The following RCSD1 variants were observed in gnomAD, a reference collection of about 807,000 sequenced individuals.
RCSD1 encodes capZ-interacting protein.
Under a neutral mutation model 42.5 loss-of-function variants are expected in RCSD1, and 26 were observed. That is an observed-to-expected ratio of 0.61 (90% CI 0.45 to 0.85). RCSD1 has a LOEUF of 0.85. RCSD1 is among the 40% of genes least tolerant of loss of function. The probability of loss-of-function intolerance (pLI) is 0.00; values close to 1 mark genes in which losing one functional copy is unlikely to be tolerated. For synonymous variants in RCSD1, 220 were observed against 212.2 expected, an observed-to-expected ratio of 1.04 and a Z score of -0.32; for missense variants, 571 against 528.3, an observed-to-expected ratio of 1.08 and a Z score of -0.79.
intron 1 of RCSD1, among the ~76,000 whole-genome samples, chr1:167,655,832 G>A (rs1256880472): frequency 6.6e-6 from 1 of 152,166 alleles, no homozygotes; most frequent in Admixed American, 6.5e-5. Flanking sequence ...AACCCGTGAG[G>A]ATGCCTTCGC....
chr1:167,687,296 G>A (rs1659257885), intron 3 of RCSD1, among the ~76,000 whole-genome samples: 1 of 152,122 alleles, frequency 6.6e-6, no homozygotes, highest in Admixed American at 6.5e-5. Context: ...AGGCCGAGGT[G>A]GGCGGATCAC....
chr1:167,690,202 T>C (rs1571100584), intron 4 of RCSD1, 82 bp downstream of exon 4: 3 of 1,320,232 alleles, frequency 2.3e-6, no homozygotes, highest in African/African-American at 2.9e-5. Context: ...TTGAGGCTCA[T>C]AGGGGTAGCC....
In RCSD1 at chr1:167,705,503, T is replaced by C. The variant is rs1005605164; in HGVS notation, c.*807T>C. On this transcript the variant is annotated 3_prime_UTR_variant, in exon 7 of 7. Coordinates refer to ENST00000367854, the MANE Select transcript of RCSD1 (RefSeq NM_052862.4). ...AGGAGGTTTCATGTCCCGCGTTGCATCTCCTCCTGAAAGAAAAGCAGTGAT... is the reference window on the plus strand; with the variant it reads ...AGGAGGTTTCATGTCCCGCGTTGCACCTCCTCCTGAAAGAAAAGCAGTGAT... 29 of 152,084 alleles carry C rather than the reference T, an allele frequency of 1.9e-4. No individual in the cohort carries two copies. Among genetic ancestry groups the C allele is most frequent in the African/African-American group, 6.5e-4 (27 of 41,406 alleles). The allele number at this position is 152,084 out of a possible 1,614,324, so 9.4% of individuals were successfully genotyped here.
At chr1:167,634,556 G>A (rs966118812) in intron 1 of RCSD1, among the ~76,000 whole-genome samples, 1 of 152,188 alleles carries the variant, frequency 6.6e-6, no homozygotes, top group African/African-American at 2.4e-5. Context: ...GTGTAAAGAA[G>A]GAGCTGGAGG....
At chr1:167,635,049 T>A (rs1266802302) in intron 1 of RCSD1, among the ~76,000 whole-genome samples, 1 of 152,182 alleles carries the variant, frequency 6.6e-6, no homozygotes, top group African/African-American at 2.4e-5. Context: ...AAACATTTTC[T>A]ACCACATTTT....
At chr1:167,695,571 C>T (rs1659479806) in intron 5 of RCSD1, among the ~76,000 whole-genome samples, 1 of 147,208 alleles carries the variant, frequency 6.8e-6, no homozygotes, top group Non-Finnish European at 1.5e-5. Context: ...CAAGGTCTTC[C>T]TCTGTCACCC....
chr1:167,638,656 T>C (rs1373159019), intron 1 of RCSD1, among the ~76,000 whole-genome samples: 2 of 152,200 alleles, frequency 1.3e-5, no homozygotes, highest in African/African-American at 4.8e-5. Flanking sequence ...TTGTAAGGCC[T>C]GGCACAGGTT....
chr1:167,701,252 G>GTTTGTTTCTTTCTTTC (rs1276194168), intron 6 of RCSD1, among the ~76,000 whole-genome samples: 2 of 96,070 alleles, frequency 2.1e-5, no homozygotes, highest in Admixed American at 2.3e-4. Context: ...CAATTGCCTA[G>GTTTGTTTCTTTCTTTC]TTTCTTTCTT....
intron 3 of RCSD1, among the ~76,000 whole-genome samples, chr1:167,686,626 G>A (rs1164748909): frequency 6.6e-6 from 1 of 152,192 alleles, no homozygotes; most frequent in South Asian, 2.1e-4. Context: ...GAACCCCAAG[G>A]AGCACAGTTT....
At chr1:167,656,631 G>A (rs1658431011) in intron 1 of RCSD1, among the ~76,000 whole-genome samples, 1 of 152,186 alleles carries the variant, frequency 6.6e-6, no homozygotes, top group Non-Finnish European at 1.5e-5. Flanking sequence ...CTAGAGCTGA[G>A]GAACAGCAGC....
Position 167,679,926 on chromosome 1 carries a change from A to G in RCSD1, c.7-3974A>G, listed in dbSNP as rs184999234. 3.3e-3 allele frequency among the ~76,000 whole-genome samples: 506 copies of G among 152,240 alleles called. 3 individuals carry two copies. Among genetic ancestry groups the G allele is most frequent in the Non-Finnish European group, 6.2e-3 (422 of 68,016 alleles). ...ACGCAACATGGCAACAGCGGAGGGG[A>G]AGTTCCATGCTGTCCAGACACAGGG... is the stretch of plus-strand genomic sequence containing the variant. On this transcript the variant is annotated intron_variant, in intron 1 of 6. Coordinates refer to ENST00000367854, the MANE Select transcript of RCSD1 (RefSeq NM_052862.4).
chr1:167,632,475 AG>A (rs1404232206), intron 1 of RCSD1, among the ~76,000 whole-genome samples: 2 of 152,194 alleles, frequency 1.3e-5, no homozygotes, highest in African/African-American at 4.8e-5. Flanking sequence ...TGTATGGCAG[AG>A]GCCCTGAAAC....
intron 1 of RCSD1, among the ~76,000 whole-genome samples, chr1:167,639,139 C>T (rs1657940817): frequency 6.6e-6 from 1 of 152,282 alleles, no homozygotes; most frequent in South Asian, 2.1e-4. Flanking sequence ...ATGGCGTGAA[C>T]CCGGGAAGCG....
chr1:167,697,639 C>A lies in RCSD1; in HGVS notation c.1015C>A (p.Leu339Met), dbSNP rs1294895854. ...PEHDSQETKKLEEGAAVKETP... is the reference protein window; with the variant it reads ...PEHDSQETKKMEEGAAVKETP... ...ACATGACAGCCAAGAAACAAAGAAG[C>A]TGGAGGAGGGAGCTGCAGTGAAGGA... Residue 339 changes from leucine (L) to methionine (M), a missense_variant, in exon 6 of 7, where the codon CTG becomes ATG. Leu to Met is a conservative substitution (Grantham distance 15). Transcript: ENST00000367854. 4.4e-6 allele frequency: 7 copies of A among 1,606,382 alleles called. No homozygotes were observed. Among genetic ancestry groups the A allele is most frequent in the East Asian group, 2.2e-5 (1 of 44,674 alleles).
intron 1 of RCSD1, among the ~76,000 whole-genome samples, chr1:167,681,663 T>A (rs904329083): frequency 4.6e-5 from 7 of 152,216 alleles, no homozygotes; most frequent in Non-Finnish European, 7.3e-5. Flanking sequence ...CACCAGTGAT[T>A]GGCGCCTTTG....
intron 1 of RCSD1, chr1:167,641,820 T>A (rs965230932): frequency 6.6e-6 from 1 of 152,188 alleles, no homozygotes; most frequent in Non-Finnish European, 1.5e-5. Context: ...ACAGTGTGAT[T>A]GGTTCTGAAA....
In RCSD1 at chr1:167,705,437, C is replaced by A. The variant is rs1659735388; in HGVS notation, c.*741C>A. 1 of 152,124 alleles carries A rather than the reference C, an allele frequency of 6.6e-6. No homozygotes were observed. The highest frequency in any genetic ancestry group is 2.4e-5 in the African/African-American group (1 of 41,422). The allele number at this position is 152,124 out of a possible 1,614,324, so 9.4% of individuals were successfully genotyped here. Reference sequence around the variant, plus strand: ...GGCTCGGCTCACTCCCTTCTCCCACCCTTGAGAATGTGGAGAACTCCCATG... The same window carrying A: ...GGCTCGGCTCACTCCCTTCTCCCACACTTGAGAATGTGGAGAACTCCCATG... On this transcript the variant is annotated 3_prime_UTR_variant, in exon 7 of 7. Transcript: ENST00000367854.
chr1:167,658,626 C>T (rs1318516464), intron 1 of RCSD1, among the ~76,000 whole-genome samples: 2 of 151,798 alleles, frequency 1.3e-5, no homozygotes, highest in Non-Finnish European at 2.9e-5. Flanking sequence ...AGACGGAGTT[C>T]CACCATATTG....
intron 1 of RCSD1, among the ~76,000 whole-genome samples, chr1:167,661,394 G>A (rs772568973): frequency 1.3e-5 from 2 of 152,250 alleles, no homozygotes; most frequent in Non-Finnish European, 2.9e-5. Flanking sequence ...TTGGACGTTA[G>A]GCTGATCGCA....
Sources: gnomAD v4.1 joint callset for allele counts (sites outside exome capture counted in the v4.1 genomes callset) on GRCh38, gnomAD v4.1.1 for gene constraint, MANE v1.5 for transcripts, NCBI Gene and HGNC (gene_info 2026-07-23, HGNC 2026-07-21) for gene names.